Variants in RANBP2 observed in about 807,000 individuals in gnomAD.
RANBP2 encodes RAN binding protein 2.
In RANBP2, 57 loss-of-function variants were observed where a neutral mutation model predicts 303.6. The observed-to-expected ratio is 0.19, with a 90% CI of 0.15 to 0.23. RANBP2 has a LOEUF of 0.23. Among genes scored for constraint, RANBP2 ranks in the 10% least tolerant of loss-of-function variants. The pLI is 1.00. For missense variants in RANBP2, 3,138 were observed against 3,780.8 expected (o/e 0.83, Z 4.46); for synonymous variants, 1,167 against 1,301.5 (o/e 0.90, Z 2.23).
At chr2:109,286,475 AGTCC>A in the RANBP2 span, among the ~76,000 whole-genome samples, 1 of 152,182 alleles carries the variant, frequency 6.6e-6, no homozygotes, top group African/African-American at 2.4e-5. Context: ...GCTGCACCAC[AGTCC>A]CGCACAAGGC....
chr2:108,737,551 C>CTTTT (rs61550954), intron 6 of RANBP2, among the ~76,000 whole-genome samples: 1 of 119,556 alleles, frequency 8.4e-6, no homozygotes, highest in African/African-American at 3.3e-5. Context: ...GTCTCAAGCT[C>CTTTT]TTTTTTTTTT....
the RANBP2 span, among the ~76,000 whole-genome samples, chr2:109,178,550 A>G: frequency 9.9e-5 from 15 of 151,976 alleles, no homozygotes; most frequent in East Asian, 3.8e-4. Flanking sequence ...ATTTATGTCA[A>G]CTCTTTAACC....
the RANBP2 span, among the ~76,000 whole-genome samples, chr2:109,104,091 C>T: frequency 6.6e-6 from 1 of 151,978 alleles, no homozygotes; most frequent in East Asian, 1.9e-4. Flanking sequence ...ACCATTTCGG[C>T]GAAGATTCTT....
At chr2:109,029,370 T>A in the RANBP2 span, among the ~76,000 whole-genome samples, 1 of 152,018 alleles carries the variant, frequency 6.6e-6, no homozygotes, top group Non-Finnish European at 1.5e-5. Flanking sequence ...TGAGGGACCA[T>A]GTGTAAATGG....
chr2:109,201,293 A>G, the RANBP2 span, among the ~76,000 whole-genome samples: 3 of 152,230 alleles, frequency 2.0e-5, no homozygotes, highest in South Asian at 4.2e-4. Context: ...TCACAGACAG[A>G]CCCCAGCCCC....
At chr2:109,371,703 A>G in the RANBP2 span, 1 of 1,606,618 alleles carries the variant, frequency 6.2e-7, no homozygotes, top group South Asian at 1.1e-5. Flanking sequence ...CCGCCCTCCC[A>G]CACTTGGCTC....
At chr2:108,790,098 C>G (rs142268040), downstream of RANBP2, among the ~76,000 whole-genome samples, 5 of 152,122 alleles carry the variant, frequency 3.3e-5, no homozygotes, top group African/African-American at 1.2e-4. Context: ...ATCTGTGTAA[C>G]ACACTTTGAA....
chr2:109,375,489 G>A, the RANBP2 span, among the ~76,000 whole-genome samples: 2 of 152,222 alleles, frequency 1.3e-5, no homozygotes, highest in Non-Finnish European at 2.9e-5. Context: ...CTCTAGTCTA[G>A]CGGATGGGAC....
rs535669028 is a variant in RANBP2 at position 108,768,199 on chromosome 2, A to G, written c.7660A>G (p.Lys2554Glu). 6.8e-6 allele frequency: 11 copies of G among 1,612,022 alleles called. 1 individual carries two copies. The South Asian group carries it at 1.1e-4, about 16-fold the overall frequency. Residue 2554 changes from lysine to glutamate, a missense_variant, in exon 20 of 29, where the codon AAA (lysine) becomes GAA (glutamate). By Grantham distance (56) the Lys-to-Glu change is moderately conservative (BLOSUM62 1). This residue lies in a region of RANBP2 where 497 missense variants were observed against 465.8 expected (regional missense o/e 1.07). Coordinates refer to ENST00000283195, the MANE Select transcript of RANBP2 (RefSeq NM_006267.5). ...TGGATTTAGTTTTAATGCACCTTTGAAAAGTAACAATAGTGAAACTAGTTC... is the reference window on the plus strand; with the variant it reads ...TGGATTTAGTTTTAATGCACCTTTGGAAAGTAACAATAGTGAAACTAGTTC... ...LFGFSFNAPL[K>E]SNNSETSSVA...
the RANBP2 span, among the ~76,000 whole-genome samples, chr2:109,379,413 C>T: frequency 4.6e-5 from 7 of 152,112 alleles, no homozygotes; most frequent in Non-Finnish European, 7.3e-5. Flanking sequence ...CGTGGTCCCA[C>T]TCTCCAGGCG....
At chr2:109,226,848 A>G in the RANBP2 span, among the ~76,000 whole-genome samples, 5 of 152,232 alleles carry the variant, frequency 3.3e-5, no homozygotes, top group Non-Finnish European at 7.3e-5. Context: ...CTACAGCTGC[A>G]GGAGAGAAAC....
chr2:109,049,761 T>C, the RANBP2 span, among the ~76,000 whole-genome samples: 274 of 152,366 alleles, frequency 1.8e-3, 1 homozygote, highest in African/African-American at 6.1e-3. Flanking sequence ...TGGGGATTTA[T>C]GGAGTGTTTC....
the RANBP2 span, chr2:108,812,730 A>G: frequency 1.2e-6 from 2 of 1,607,626 alleles, no homozygotes; most frequent in South Asian, 1.1e-5. Context: ...GTTCTTCTCT[A>G]CAGACAGAAG....
the RANBP2 span, among the ~76,000 whole-genome samples, chr2:109,547,214 G>A: frequency 2.0e-5 from 3 of 152,106 alleles, no homozygotes; most frequent in Admixed American, 1.3e-4. Flanking sequence ...TGCCTCTAGA[G>A]ACTCCAAGTC....
the RANBP2 span, among the ~76,000 whole-genome samples, chr2:109,090,133 G>A: frequency 3.9e-5 from 6 of 152,202 alleles, no homozygotes; most frequent in African/African-American, 7.2e-5. Flanking sequence ...GAGGAAATGC[G>A]CAGAGGAGTG....
chr2:109,486,835 A>G, the RANBP2 span, among the ~76,000 whole-genome samples: 2 of 152,182 alleles, frequency 1.3e-5, no homozygotes, highest in African/African-American at 4.8e-5. Context: ...TCCATGGAGG[A>G]AGGACCAGTG....
chr2:109,152,463 G>A, the RANBP2 span, among the ~76,000 whole-genome samples: 5 of 152,210 alleles, frequency 3.3e-5, no homozygotes, highest in African/African-American at 9.6e-5. Flanking sequence ...CCTTGTTCCG[G>A]GTGCCTGATG....
At chr2:109,130,297 C>T in the RANBP2 span, among the ~76,000 whole-genome samples, 1 of 152,214 alleles carries the variant, frequency 6.6e-6, no homozygotes, top group Non-Finnish European at 1.5e-5. Flanking sequence ...GGGCAGCTCG[C>T]CGCTTGTTCA....
the RANBP2 span, among the ~76,000 whole-genome samples, chr2:109,441,779 G>T: frequency 2.6e-5 from 4 of 152,062 alleles, no homozygotes; most frequent in African/African-American, 9.6e-5. Flanking sequence ...CTCTCATAAA[G>T]AAAACACTGA....
Sources: allele counts gnomAD v4.1 joint callset (sites outside exome capture counted in the v4.1 genomes callset), GRCh38; gene constraint gnomAD v4.1.1; regional missense constraint gnomAD v4.1.1; transcripts MANE v1.5; gene names NCBI Gene and HGNC (gene_info 2026-07-23, HGNC 2026-07-21).